The following NBAS variants were observed in gnomAD, a reference collection of about 807,000 sequenced individuals.
NBAS encodes NBAS subunit of NRZ tethering complex.
In NBAS, 219 loss-of-function variants were observed where a neutral mutation model predicts 302.5. The observed-to-expected ratio is 0.72, with a 90% CI of 0.65 to 0.81. The LOEUF is 0.81. Ranked by LOEUF, NBAS falls within the 30% of genes least tolerant of loss-of-function variation. The pLI, the probability that NBAS is intolerant of heterozygous loss-of-function variation, is 0.00. For synonymous variants in NBAS, 1,118 were observed against 1,021.6 expected (o/e 1.09, Z -1.80); for missense variants, 2,932 against 2,841.6 (o/e 1.03, Z -0.72).
chr2:14,994,590 C>T, the NBAS span, among the ~76,000 whole-genome samples: 3 of 152,176 alleles, frequency 2.0e-5, no homozygotes, highest in Non-Finnish European at 4.4e-5. Flanking sequence ...ACAAGGTTCC[C>T]GAGAGTCACA....
chr2:15,085,671 T>C, the NBAS span, among the ~76,000 whole-genome samples: 1 of 152,142 alleles, frequency 6.6e-6, no homozygotes, highest in African/African-American at 2.4e-5. Flanking sequence ...GATCCGGGCC[T>C]CTGTGTGCTC....
chr2:15,096,868 A>T, the NBAS span, among the ~76,000 whole-genome samples: 1 of 152,246 alleles, frequency 6.6e-6, no homozygotes, highest in East Asian at 1.9e-4. Flanking sequence ...CAATAAAGTT[A>T]CAGAGGAGCA....
the NBAS span, among the ~76,000 whole-genome samples, chr2:14,786,081 T>A: frequency 1.9e-3 from 286 of 152,372 alleles, 2 homozygotes; most frequent in African/African-American, 6.7e-3. Flanking sequence ...TTTATCCATT[T>A]CTTCTAGATT....
intron 6 of NBAS, among the ~76,000 whole-genome samples, chr2:15,542,742 A>G (rs947640745): frequency 1.3e-5 from 2 of 152,244 alleles, no homozygotes; most frequent in Non-Finnish European, 2.9e-5. Flanking sequence ...ATGCTACATA[A>G]AAACCAGCAA....
chr2:15,346,056 A>G (rs1673073503), intron 35 of NBAS, among the ~76,000 whole-genome samples: 1 of 152,220 alleles, frequency 6.6e-6, no homozygotes. Flanking sequence ...TAAAAACCCT[A>G]GAAGAAAACC....
At chr2:15,152,795 G>A in the NBAS span, among the ~76,000 whole-genome samples, 3 of 152,218 alleles carry the variant, frequency 2.0e-5, no homozygotes, top group Non-Finnish European at 2.9e-5. Flanking sequence ...AGCAAGAAGT[G>A]GACTTCCCTC....
At chr2:15,443,767 C>A (rs1572860995) in intron 21 of NBAS, among the ~76,000 whole-genome samples, 4 of 151,520 alleles carry the variant, frequency 2.6e-5, no homozygotes, top group African/African-American at 7.3e-5. Flanking sequence ...CTGTCTCAGC[C>A]CAAAATCTCC....
intron 38 of NBAS, among the ~76,000 whole-genome samples, chr2:15,319,008 C>T (rs1671656279): frequency 6.6e-6 from 1 of 152,136 alleles, no homozygotes; most frequent in Admixed American, 6.5e-5. Context: ...GTAAAACACT[C>T]CTCAGCAAAC....
intron 38 of NBAS, among the ~76,000 whole-genome samples, chr2:15,316,587 C>T (rs1259925623): frequency 6.6e-6 from 1 of 152,230 alleles, no homozygotes; most frequent in Non-Finnish European, 1.5e-5. Flanking sequence ...CTGCCTGGCT[C>T]GGCGGGTCCC....
chr2:14,999,374 G>T, the NBAS span, among the ~76,000 whole-genome samples: 1 of 152,208 alleles, frequency 6.6e-6, no homozygotes, highest in East Asian at 1.9e-4. Context: ...AGTTTTATCT[G>T]ATATGGTTTG....
At chr2:14,902,062 C>G in the NBAS span, among the ~76,000 whole-genome samples, 23 of 152,308 alleles carry the variant, frequency 1.5e-4, no homozygotes, top group African/African-American at 5.5e-4. Context: ...GAATTTTCTT[C>G]TTTCTTCTGT....
the NBAS span, among the ~76,000 whole-genome samples, chr2:14,900,848 C>T: frequency 6.6e-6 from 1 of 152,192 alleles, no homozygotes; most frequent in African/African-American, 2.4e-5. Flanking sequence ...CAGGAAATAT[C>T]TGTGAAAGGA....
intron 40 of NBAS, among the ~76,000 whole-genome samples, chr2:15,293,079 C>A (rs529480143): frequency 6.6e-6 from 1 of 152,304 alleles, no homozygotes; most frequent in African/African-American, 2.4e-5. Flanking sequence ...CTATTATAAA[C>A]CTCCATCAGA....
intron 11 of NBAS, among the ~76,000 whole-genome samples, chr2:15,495,469 A>G (rs1681031412): frequency 6.6e-6 from 1 of 152,210 alleles, no homozygotes; most frequent in African/African-American, 2.4e-5. Context: ...AATTTTTAAG[A>G]GAAAAAAAAG....
chr2:15,556,527 G>A (rs1664654091), intron 3 of NBAS, among the ~76,000 whole-genome samples: 1 of 152,140 alleles, frequency 6.6e-6, no homozygotes, highest in African/African-American at 2.4e-5. Context: ...AGATAAGCCT[G>A]AGAATAGTCA....
Position 15,292,610 on chromosome 2 carries a change from G to T in NBAS, c.4954C>A (p.Arg1652=). The change falls in exon 41 of 52, where the codon CGG becomes AGG. Residue 1652 remains arginine (R), a synonymous_variant. Coordinates refer to ENST00000281513, the MANE Select transcript of NBAS (RefSeq NM_015909.4). ...FTQAQILQGL[R]KGVDVQRFTA... ...AACCGCTGCACGTCCACACCCTTCC[G>T]AAGGCCCTGAAGGATCTGCGCCTGA... 1 of 1,614,118 alleles carries T rather than the reference G, an allele frequency of 6.2e-7. No homozygotes were observed. Among genetic ancestry groups the T allele is most frequent in the South Asian group, 1.1e-5 (1 of 91,070 alleles).
At chr2:15,059,964 C>CA in the NBAS span, among the ~76,000 whole-genome samples, 81 of 112,698 alleles carry the variant, frequency 7.2e-4, no homozygotes, top group South Asian at 3.7e-3. Context: ...AAAAAAAAAA[C>CA]AAAAAAAAAA....
chr2:15,176,714 C>G (rs1222698739), intron 51 of NBAS, among the ~76,000 whole-genome samples: 2 of 152,028 alleles, frequency 1.3e-5, no homozygotes, highest in African/African-American at 4.8e-5. Context: ...GAGCATTTTC[C>G]TTTGAATGTC....
the NBAS span, among the ~76,000 whole-genome samples, chr2:14,958,270 C>T: frequency 3.9e-5 from 6 of 152,222 alleles, no homozygotes; most frequent in Admixed American, 2.6e-4. Context: ...TCTCCCACAG[C>T]CAGCTGCCTG....
Sources: gnomAD v4.1 joint callset for allele counts (sites outside exome capture counted in the v4.1 genomes callset) on GRCh38, gnomAD v4.1.1 for gene constraint, MANE v1.5 for transcripts, NCBI Gene and HGNC (gene_info 2026-07-23, HGNC 2026-07-21) for gene names.